The following NPAS3 variants were observed in gnomAD, a reference collection of about 807,000 sequenced individuals.
NPAS3 encodes the protein neuronal PAS domain protein 3.
A neutral mutation model predicts 73.1 loss-of-function variants in NPAS3; 14 were observed. The ratio of observed to expected loss-of-function variants is 0.19; its 90% CI spans 0.13 to 0.30. The LOEUF is 0.30. Among genes scored for constraint, NPAS3 ranks in the 10% least tolerant of loss-of-function variants. The probability of loss-of-function intolerance (pLI) is 1.00; values close to 1 mark genes in which losing one functional copy is unlikely to be tolerated. For synonymous variants in NPAS3, 620 were observed against 541.5 expected (o/e 1.14, Z -2.01); for missense variants, 1,096 against 1,250.0 (o/e 0.88, Z 1.86).
chr14:33,686,079 T>G (rs1419202623), intron 6 of NPAS3, among the ~76,000 whole-genome samples: 2 of 152,120 alleles, frequency 1.3e-5, no homozygotes, highest in Non-Finnish European at 2.9e-5. Flanking sequence ...ATAAATATGG[T>G]AAAGAAATCA....
chr14:33,267,267 T>G (rs747507601), intron 3 of NPAS3, among the ~76,000 whole-genome samples: 11 of 152,202 alleles, frequency 7.2e-5, no homozygotes, highest in Non-Finnish European at 1.5e-4. Context: ...TTGTACTTTC[T>G]ATATATTTTA....
intron 2 of NPAS3, among the ~76,000 whole-genome samples, chr14:33,124,182 T>C (rs1254015002): frequency 6.6e-6 from 1 of 152,064 alleles, no homozygotes; most frequent in Non-Finnish European, 1.5e-5. Flanking sequence ...GGAAAGATTG[T>C]GTACATTTCT....
chr14:33,493,109 G>A (rs995780603), intron 4 of NPAS3, among the ~76,000 whole-genome samples: 14 of 152,098 alleles, frequency 9.2e-5, no homozygotes, highest in African/African-American at 3.4e-4. Context: ...CTGGTTCTCT[G>A]TTTCTCCTTT....
At chr14:33,237,071 C>T (rs554625354) in intron 3 of NPAS3, among the ~76,000 whole-genome samples, 2 of 152,164 alleles carry the variant, frequency 1.3e-5, no homozygotes, top group East Asian at 3.9e-4. Context: ...TTAAGTCTTT[C>T]ATAGGCTATG....
At chr14:33,531,412 G>T (rs2054038341) in intron 4 of NPAS3, among the ~76,000 whole-genome samples, 1 of 151,948 alleles carries the variant, frequency 6.6e-6, no homozygotes, top group South Asian at 2.1e-4. Context: ...CCTTATAATT[G>T]TATCTTTATG....
chr14:33,424,276 T>G (rs1594883248), intron 4 of NPAS3, among the ~76,000 whole-genome samples: 1 of 152,074 alleles, frequency 6.6e-6, no homozygotes, highest in South Asian at 2.1e-4. Context: ...TGGCTTAGAC[T>G]TAAAAGAAGG....
At chr14:33,484,521 A>T (rs963152244) in intron 4 of NPAS3, among the ~76,000 whole-genome samples, 2 of 152,194 alleles carry the variant, frequency 1.3e-5, no homozygotes, top group African/African-American at 2.4e-5. Flanking sequence ...CCCAGAAAGG[A>T]CTGTCAGAAT....
At chr14:33,568,957 T>C (rs899581142) in intron 5 of NPAS3, among the ~76,000 whole-genome samples, 31 of 152,322 alleles carry the variant, frequency 2.0e-4, no homozygotes, top group Middle Eastern at 6.8e-3. Flanking sequence ...CTGATAGCAG[T>C]TGAATTATTT....
chr14:33,237,473 A>T (rs565151169), intron 3 of NPAS3, among the ~76,000 whole-genome samples: 39 of 152,220 alleles, frequency 2.6e-4, no homozygotes, highest in African/African-American at 9.4e-4. Flanking sequence ...TGGATGTGGG[A>T]TGTTTCAATC....
At chr14:33,397,545 C>G (rs1023608679) in intron 4 of NPAS3, among the ~76,000 whole-genome samples, 3 of 152,002 alleles carry the variant, frequency 2.0e-5, no homozygotes, top group African/African-American at 7.2e-5. Flanking sequence ...TCTAATTAGT[C>G]AATTGCATGA....
At position 33,024,170 on chromosome 14, in the gene NPAS3, G is replaced by GTATA. The variant is rs1555324579; in HGVS notation, c.51-31732_51-31731insATAT. Among the ~76,000 whole-genome samples the GTATA allele has an allele frequency of 3.2e-4, 44 of 139,578 alleles. No individual in the cohort carries two copies. The South Asian group carries it at 5.8e-3, about 18-fold the overall frequency. The allele number at this position is 139,578 out of a possible 152,430, so 91.6% of individuals were successfully genotyped here. A position where few individuals can be genotyped will look rare whatever the true frequency, so the allele number is the denominator to read the frequency against. ...TGTGTGTGTGTGTGTGTGTGTGTGT[G>GTATA]TATGTATATTCCCCCCACCAAGATG... On this transcript the variant is annotated intron_variant, in intron 1 of 11. Coordinates refer to ENST00000356141, the Ensembl canonical transcript of NPAS3.
intron 3 of NPAS3, among the ~76,000 whole-genome samples, chr14:33,363,336 C>T (rs2045692399): frequency 6.6e-6 from 1 of 152,186 alleles, no homozygotes; most frequent in African/African-American, 2.4e-5. Context: ...TAGAACTTTC[C>T]TGCTGACATT....
At chr14:33,700,056 G>A (rs1434174790) in intron 6 of NPAS3, among the ~76,000 whole-genome samples, 1 of 152,088 alleles carries the variant, frequency 6.6e-6, no homozygotes, top group Non-Finnish European at 1.5e-5. Flanking sequence ...TCTGGGGAAG[G>A]TTCATGGGTT....
At chr14:33,544,791 T>TATATATATATATATATACAC (rs1223183199) in intron 4 of NPAS3, among the ~76,000 whole-genome samples, 4 of 83,360 alleles carry the variant, frequency 4.8e-5, no homozygotes, top group African/African-American at 2.7e-4. Flanking sequence ...GTGTGTATTA[T>TATATATATATATATATACAC]ATATATATAT....
At chr14:33,613,570 T>C (rs916120021) in intron 5 of NPAS3, among the ~76,000 whole-genome samples, 11 of 152,126 alleles carry the variant, frequency 7.2e-5, no homozygotes, top group African/African-American at 2.4e-4. Flanking sequence ...TTCAGCATGG[T>C]CTCCTGGTGC....
At chr14:33,764,424 A>G (rs2140845953) in intron 7 of NPAS3, among the ~76,000 whole-genome samples, 1 of 152,368 alleles carries the variant, frequency 6.6e-6, no homozygotes, top group East Asian at 1.9e-4. Flanking sequence ...GGCGTTAAGC[A>G]AGAATAGAAA....
At chr14:33,391,645 G>A (rs1433170237) in intron 4 of NPAS3, among the ~76,000 whole-genome samples, 7 of 152,224 alleles carry the variant, frequency 4.6e-5, no homozygotes, top group African/African-American at 1.2e-4. Context: ...GAGAGAGTGT[G>A]TGTGAACAAT....
intron 2 of NPAS3, among the ~76,000 whole-genome samples, chr14:33,064,524 G>A (rs2041216220): frequency 6.6e-6 from 1 of 152,176 alleles, no homozygotes; most frequent in Non-Finnish European, 1.5e-5. Flanking sequence ...TTGTGTTGAG[G>A]GAATATTCTT....
chr14:33,340,909 G>A (rs1188948726), intron 3 of NPAS3, among the ~76,000 whole-genome samples: 1 of 152,158 alleles, frequency 6.6e-6, no homozygotes, highest in Non-Finnish European at 1.5e-5. Flanking sequence ...TAGTGAAAGA[G>A]CCATACCATA....
Sources: allele counts gnomAD v4.1 joint callset (sites outside exome capture counted in the v4.1 genomes callset), GRCh38; gene constraint gnomAD v4.1.1; transcripts MANE v1.5; gene names NCBI Gene and HGNC (gene_info 2026-07-23, HGNC 2026-07-21).